The following NALF1 variants were observed in gnomAD, a reference collection of about 807,000 sequenced individuals.
NALF1 encodes NALCN channel auxiliary factor 1, also known as family with sequence similarity 155 member A.
NALF1 carries 3 observed loss-of-function variants against 48.4 expected under a neutral mutation model. The observed-to-expected ratio is 0.06, with a 90% CI of 0.03 to 0.16. The LOEUF is 0.16. NALF1 is among the 10% of genes least tolerant of loss of function. The pLI is 1.00. For missense variants in NALF1, 526 were observed against 571.5 expected (o/e 0.92, Z 0.81); for synonymous variants, 262 against 245.7 (o/e 1.07, Z -0.62).
At chr13:107,728,582 T>C (rs969417288) in intron 1 of NALF1, among the ~76,000 whole-genome samples, 9 of 151,456 alleles carry the variant, frequency 5.9e-5, no homozygotes, top group African/African-American at 2.2e-4. Flanking sequence ...ACCTAATGCA[T>C]GCGGGGCTTA....
intron 1 of NALF1, among the ~76,000 whole-genome samples, chr13:107,448,946 C>G (rs1361804382): frequency 6.6e-6 from 1 of 152,106 alleles, no homozygotes; most frequent in African/African-American, 2.4e-5. Context: ...GCTATGCTGT[C>G]AGAACATCAC....
At chr13:107,790,283 A>G (rs1878192968) in intron 1 of NALF1, among the ~76,000 whole-genome samples, 1 of 152,254 alleles carries the variant, frequency 6.6e-6, no homozygotes, top group African/African-American at 2.4e-5. Context: ...AAAAACATTT[A>G]CAGAAAAAAG....
Position 107,246,314 on chromosome 13 carries a change from C to T in NALF1, c.916-35559G>A, listed in dbSNP as rs77465208. On this transcript the variant is annotated intron_variant, in intron 1 of 2. Coordinates refer to ENST00000375915, the MANE Select transcript of NALF1 (RefSeq NM_001080396.3). ...ACAGCCATTTCTTTACATTTTATCT[C>T]AATAGTTATTAAGTTGTGATTTTAT... Among the ~76,000 whole-genome samples, 447 of 152,208 alleles carry T rather than the reference C, an allele frequency of 2.9e-3. 6 individuals are homozygous for T. Among genetic ancestry groups the T allele is most frequent in the African/African-American group, 0.01 (428 of 41,544 alleles).
At chr13:107,573,707 T>C (rs988939100) in intron 1 of NALF1, among the ~76,000 whole-genome samples, 2 of 152,158 alleles carry the variant, frequency 1.3e-5, no homozygotes, top group African/African-American at 2.4e-5. Flanking sequence ...TCGGAGGTAA[T>C]TGAATCATGG....
At chr13:107,802,058 G>A (rs1193414320) in intron 1 of NALF1, among the ~76,000 whole-genome samples, 3 of 152,140 alleles carry the variant, frequency 2.0e-5, no homozygotes, top group Non-Finnish European at 4.4e-5. Context: ...ACCTCAAGAT[G>A]AAAGTCTCTT....
intron 1 of NALF1, among the ~76,000 whole-genome samples, chr13:107,365,701 G>A (rs1169974069): frequency 2.6e-5 from 4 of 152,184 alleles, no homozygotes; most frequent in African/African-American, 9.7e-5. Context: ...TTCCTGGGGT[G>A]AGTCAGGCAG....
intron 1 of NALF1, among the ~76,000 whole-genome samples, chr13:107,638,713 G>T (rs1880059811): frequency 6.6e-6 from 1 of 152,160 alleles, no homozygotes; most frequent in Admixed American, 6.6e-5. Context: ...TGAAGAGCTG[G>T]TACCTGAATC....
intron 1 of NALF1, among the ~76,000 whole-genome samples, chr13:107,760,891 G>A (rs1450273079): frequency 1.3e-5 from 2 of 152,120 alleles, no homozygotes; most frequent in East Asian, 3.9e-4. Flanking sequence ...CTGTAATGAA[G>A]GGAGCCGAAA....
intron 1 of NALF1, among the ~76,000 whole-genome samples, chr13:107,541,522 G>C (rs773091579): frequency 6.6e-6 from 1 of 152,142 alleles, no homozygotes; most frequent in Non-Finnish European, 1.5e-5. Context: ...GAAAGACAGA[G>C]AGGGCACAAG....
intron 2 of NALF1, among the ~76,000 whole-genome samples, chr13:107,182,251 TCC>T (rs879639193): frequency 0.52 from 73,199 of 139,728 alleles, 18,490 homozygotes; most frequent in Middle Eastern, 0.61. Flanking sequence ...TGTGTGTGTG[TCC>T]GTGTGTGTGT....
At chr13:107,306,022 C>T (rs1312267812) in intron 1 of NALF1, among the ~76,000 whole-genome samples, 5 of 152,092 alleles carry the variant, frequency 3.3e-5, no homozygotes, top group Admixed American at 3.3e-4. Flanking sequence ...GAGGTACAAA[C>T]TAAGAATGGC....
At chr13:107,399,590 C>G (rs1883769634) in intron 1 of NALF1, among the ~76,000 whole-genome samples, 1 of 152,056 alleles carries the variant, frequency 6.6e-6, no homozygotes, top group Non-Finnish European at 1.5e-5. Context: ...AACTTTCATC[C>G]TAATCCTTTT....
intron 1 of NALF1, among the ~76,000 whole-genome samples, chr13:107,217,319 G>A (rs989654238): frequency 5.9e-5 from 9 of 152,078 alleles, no homozygotes; most frequent in Non-Finnish European, 5.9e-5. Flanking sequence ...TTATCCTGGT[G>A]TCCCTCTTAG....
At chr13:107,269,700 T>C (rs1881115308) in intron 1 of NALF1, among the ~76,000 whole-genome samples, 1 of 152,114 alleles carries the variant, frequency 6.6e-6, no homozygotes, top group South Asian at 2.1e-4. Context: ...CGTTGGTCTA[T>C]GTCAGGCAAC....
At chr13:107,617,364 G>T (rs774321957) in intron 1 of NALF1, among the ~76,000 whole-genome samples, 1 of 152,082 alleles carries the variant, frequency 6.6e-6, no homozygotes, top group Non-Finnish European at 1.5e-5. Flanking sequence ...AGAATCATTC[G>T]TAACAGTCAA....
At chr13:107,448,895 C>T (rs910605736) in intron 1 of NALF1, among the ~76,000 whole-genome samples, 9 of 152,124 alleles carry the variant, frequency 5.9e-5, no homozygotes, top group African/African-American at 2.2e-4. Flanking sequence ...GCTAGCAGTC[C>T]TCCCTCTGCC....
intron 1 of NALF1, among the ~76,000 whole-genome samples, chr13:107,558,446 T>C (rs1008328541): frequency 6.6e-6 from 1 of 152,200 alleles, no homozygotes; most frequent in Admixed American, 6.5e-5. Context: ...TATCCCCAAA[T>C]ATGGTATTCC....
chr13:107,628,898 T>C (rs1427599123), intron 1 of NALF1, among the ~76,000 whole-genome samples: 1 of 152,188 alleles, frequency 6.6e-6, no homozygotes, highest in African/African-American at 2.4e-5. Flanking sequence ...GTGAATCTTT[T>C]TCTTACCTAC....
intron 1 of NALF1, among the ~76,000 whole-genome samples, chr13:107,510,469 T>C (rs1055161233): frequency 1.3e-5 from 2 of 152,224 alleles, no homozygotes; most frequent in Admixed American, 6.5e-5. Context: ...TTTTGTATTC[T>C]ACAGATTTCT....
Sources: gnomAD v4.1 joint callset for allele counts (sites outside exome capture counted in the v4.1 genomes callset) on GRCh38, gnomAD v4.1.1 for gene constraint, MANE v1.5 for transcripts, NCBI Gene and HGNC (gene_info 2026-07-23, HGNC 2026-07-21) for gene names.